The following SBNO2 variants were observed in gnomAD, a reference collection of about 807,000 sequenced individuals.
The protein encoded by SBNO2 is strawberry notch homolog 2.
SBNO2 carries 89 observed loss-of-function variants against 146.3 expected under a neutral mutation model. The ratio of observed to expected loss-of-function variants is 0.61; its 90% confidence interval spans 0.51 to 0.73. The LOEUF (loss-of-function observed/expected upper bound fraction) is 0.73. Among genes scored for constraint, SBNO2 ranks in the 30% least tolerant of loss-of-function variants. The pLI is 0.00. For missense variants in SBNO2, 2,092 were observed against 2,003.7 expected (o/e 1.04, Z -0.84); for synonymous variants, 1,147 against 892.6 (o/e 1.29, Z -5.08).
chr19:1,119,205 G>A (rs558096534), intron 13 of SBNO2, 41 bp from the exon 14 acceptor site: 9 of 1,563,034 alleles, frequency 5.8e-6, no homozygotes, highest in Middle Eastern at 1.7e-4. Flanking sequence ...GCCAGAGCCC[G>A]TGGGGATGGA....
intron 1 of SBNO2, among the ~76,000 whole-genome samples, chr19:1,160,726 C>A (rs1033743690): frequency 2.0e-5 from 3 of 152,168 alleles, no homozygotes; most frequent in African/African-American, 7.2e-5. Context: ...GAAGGGGTTT[C>A]ACCATGTTGC....
rs762092380 is a variant in SBNO2, at chr19:1,109,254, G to A, written c.3348+38C>T. ...CATGAGCCTGGGCGGGGTCAGGGCC[G>A]GCAACCCGAGCGAAAGCTGCGCCCG... On this transcript the variant is annotated intron_variant, in intron 29 of 31. Transcript: ENST00000361757. The surrounding 1 kb of genome is among the most constrained non-coding windows in gnomAD (Gnocchi z 4.2). The A allele has an allele frequency of 1.3e-5, 21 of 1,576,810 alleles. No individual in the cohort carries two copies. The highest frequency in any genetic ancestry group is 8.1e-5 in the African/African-American group (6 of 74,208).
chr19:1,171,683 G>C (rs115602315), intron 1 of SBNO2, among the ~76,000 whole-genome samples: 141 of 152,276 alleles, frequency 9.3e-4, no homozygotes, highest in African/African-American at 3.2e-3. Flanking sequence ...CCGTGACTCC[G>C]CTGGAGCCGG....
chr19:1,111,849 CT>C (rs1448052913), intron 23 of SBNO2, 146 bp downstream of exon 23: 16 of 865,328 alleles, frequency 1.8e-5, no homozygotes, highest in Non-Finnish European at 2.5e-5. Flanking sequence ...CCCTTCCCCC[CT>C]GGGGGTCCTA....
At position 1,112,113 on chromosome 19, in the gene SBNO2, C is replaced by T. The variant is rs1474588118; in HGVS notation, c.2629-46G>A. 7 of 1,608,356 alleles carry T rather than the reference C, an allele frequency of 4.4e-6. No individual in the cohort carries two copies. Among genetic ancestry groups the T allele is most frequent in the Admixed American group, 1.7e-5 (1 of 59,658 alleles). ...ATCAGTTGGTCACCTGGGGTCTGGC[C>T]TCTAGCACCCCACAAAGCTTTGGAG... On this transcript the variant is annotated intron_variant, in intron 22 of 31. Coordinates refer to ENST00000361757, the MANE Select transcript of SBNO2 (RefSeq NM_014963.3). This position sits in a 1 kb window ranked among gnomAD's most constrained non-coding sequence, Gnocchi z 5.9.
chr19:1,110,604 A>C lies in SBNO2; in HGVS notation c.3028+141T>G. On this transcript the variant is annotated intron_variant, in intron 26 of 31. Transcript: ENST00000361757. The surrounding 1 kb of genome is among the most constrained non-coding windows in gnomAD (Gnocchi z 4.9). ...CCCACGAGCCCCTCGCCCACCCGGG[A>C]TGCACGGTGTTCCCACGAGCCCCTC... 1 of 980,528 alleles carries C rather than the reference A, an allele frequency of 1.0e-6. No homozygotes were observed. The highest frequency in any genetic ancestry group is 1.4e-6 in the Non-Finnish European group (1 of 716,734). The allele number at this position is 980,528 out of a possible 1,614,324, so 60.7% of individuals were successfully genotyped here. A position where few individuals can be genotyped will look rare whatever the true frequency, so the allele number is the denominator to read the frequency against.
At position 1,111,418 on chromosome 19, in the gene SBNO2, C is replaced by T. The variant is rs573759194; in HGVS notation, c.2809+88G>A. The T allele has an allele frequency of 5.3e-6, 5 of 942,586 alleles. No homozygotes were observed. In the Admixed American group the frequency reaches 8.4e-5, roughly 16 times the overall value. 58.4% of individuals were successfully genotyped at this position (942,586 alleles called of 1,614,324 possible). ...AGGGGTCACTCAACACACAACCGGC[C>T]TACAAAGCCTGCTGCCCCAGCTGCT... On this transcript the variant is annotated intron_variant, in intron 24 of 31. Coordinates refer to ENST00000361757, the MANE Select transcript of SBNO2 (RefSeq NM_014963.3).
intron 1 of SBNO2, among the ~76,000 whole-genome samples, chr19:1,163,209 G>A (rs981117424): frequency 6.6e-6 from 1 of 152,212 alleles, no homozygotes; most frequent in African/African-American, 2.4e-5. Flanking sequence ...GGATGCTGGA[G>A]GGGGTGGTCT....
intron 3 of SBNO2, among the ~76,000 whole-genome samples, chr19:1,148,138 C>G (rs535515280): frequency 2.4e-4 from 37 of 152,198 alleles, no homozygotes; most frequent in African/African-American, 7.9e-4. Context: ...TTCTCTCCAG[C>G]AGGGCTGGCA....
intron 4 of SBNO2, among the ~76,000 whole-genome samples, chr19:1,139,368 G>A (rs550020938): frequency 3.9e-5 from 6 of 152,166 alleles, no homozygotes; most frequent in Non-Finnish European, 8.8e-5. Context: ...CGGGGACAGG[G>A]CCTCCTCTAG....
chr19:1,126,923 G>C lies in SBNO2; in HGVS notation c.441+681C>G, dbSNP rs559695005. On this transcript the variant is annotated intron_variant, in intron 5 of 31. Transcript: ENST00000361757. This position sits in a 1 kb window ranked among gnomAD's most constrained non-coding sequence, Gnocchi z 4.4. ...GCTAGAGGCTAGGCCCGAAGAACCT[G>C]GGGGCCCTGCTGCCCTACAACCCCT... Among the ~76,000 whole-genome samples, 5 of 152,296 alleles carry C rather than the reference G, an allele frequency of 3.3e-5. No individual in the cohort carries two copies. Among genetic ancestry groups the C allele is most frequent in the African/African-American group, 7.2e-5 (3 of 41,564 alleles).
chr19:1,144,819 G>A lies in SBNO2; in HGVS notation c.279+2490C>T, dbSNP rs2080172518. The stretch of plus-strand genomic sequence containing the variant: ...AGAGGGAGACAGAGAGACAGAGACA[G>A]AGAGGGAGACAGAGAGACAGGGGCA... On this transcript the variant is annotated intron_variant, in intron 4 of 31. Coordinates refer to ENST00000361757, the MANE Select transcript of SBNO2 (RefSeq NM_014963.3). This position sits in a 1 kb window ranked among gnomAD's most constrained non-coding sequence, Gnocchi z 4.1. Among the ~76,000 whole-genome samples the A allele has an allele frequency of 2.6e-5, 4 of 151,156 alleles. No individual in the cohort carries two copies. The highest frequency in any genetic ancestry group is 7.3e-5 in the African/African-American group (3 of 40,988).
At position 1,165,927 on chromosome 19, in the gene SBNO2, T is replaced by TCAGACCCCAGATCC. The variant is rs1349166506; in HGVS notation, c.-127+8244_-127+8245insGGATCTGGGGTCTG. Reference sequence around the variant, plus strand: ...ACCCCCAGACCCCAGATCCCAGATCTCAGACCCCAAACCCCAGATCCTAGA... The same window carrying TCAGACCCCAGATCC: ...ACCCCCAGACCCCAGATCCCAGATCTCAGACCCCAGATCCCAGACCCCAAACCCCAGATCCTAGA... On this transcript the variant is annotated intron_variant, in intron 1 of 31. Coordinates refer to ENST00000361757, the MANE Select transcript of SBNO2 (RefSeq NM_014963.3). Among the ~76,000 whole-genome samples the TCAGACCCCAGATCC allele has an allele frequency of 7.0e-4, 5 of 7,152 alleles. 1 individual carries two copies. The highest frequency in any genetic ancestry group is 1.2e-3 in the African/African-American group (3 of 2,452). The allele number at this position is 7,152 out of a possible 152,430, so 4.7% of individuals were successfully genotyped here. A position where few individuals can be genotyped will look rare whatever the true frequency, so the allele number is the denominator to read the frequency against.
chr19:1,128,910 A>G (rs1476668940), intron 4 of SBNO2, among the ~76,000 whole-genome samples: 1 of 151,078 alleles, frequency 6.6e-6, no homozygotes, highest in African/African-American at 2.4e-5. Flanking sequence ...TCAAGGCTGC[A>G]GTGAGCTGTT....
At chr19:1,117,193 G>T (rs2079842888) in intron 15 of SBNO2, 130 bp downstream of exon 15, 1 of 951,514 alleles carries the variant, frequency 1.1e-6, no homozygotes, top group East Asian at 2.7e-5. Context: ...GGACATCCGG[G>T]CGTCTCTCAC....
intron 1 of SBNO2, among the ~76,000 whole-genome samples, chr19:1,160,924 G>A (rs1316745998): frequency 6.6e-6 from 1 of 151,370 alleles, no homozygotes; most frequent in East Asian, 2.0e-4. Flanking sequence ...GACCACAAGG[G>A]GGCATTTGCT....
chr19:1,116,112 G>T lies in SBNO2; in HGVS notation c.1803-9C>A. 1 of 1,602,870 alleles carries T rather than the reference G, an allele frequency of 6.2e-7. No homozygotes were observed. The highest frequency in any genetic ancestry group is 1.1e-5 in the South Asian group (1 of 90,192). On this transcript the variant is annotated splice_polypyrimidine_tract_variant and intron_variant, in intron 16 of 31. Coordinates refer to ENST00000361757, the MANE Select transcript of SBNO2 (RefSeq NM_014963.3). ...GCGACAGGAACACGCCTCTGAAAGT[G>T]AGACGCGGAGTTTATTCTCACACGA...
intron 11 of SBNO2, among the ~76,000 whole-genome samples, chr19:1,120,809 C>G (rs2079892359): frequency 6.6e-6 from 1 of 152,172 alleles, no homozygotes; most frequent in African/African-American, 2.4e-5. Context: ...GCTGGGATTA[C>G]AAGTGTGCGC....
In SBNO2 at chr19:1,108,876, G is replaced by C; in HGVS notation, c.3519C>G (p.Arg1173=). ...TGACGGCGGCGATGCGGCCCCACAC[G>C]CGCAGCAGCGCGCCGCACAGCATGT... ...HHYMLCGALL[R]VWGRIAAVMA... is the part of the protein sequence containing the mutation. The change falls in exon 31 of 32, where the codon CGC becomes CGG. Residue 1173 remains arginine (R), a synonymous_variant. Coordinates refer to ENST00000361757, the MANE Select transcript of SBNO2 (RefSeq NM_014963.3). 6.3e-7 allele frequency: 1 copy of C among 1,590,632 alleles called. No individual in the cohort carries two copies. Among genetic ancestry groups the C allele is most frequent in the Non-Finnish European group, 8.5e-7 (1 of 1,175,406 alleles).
Sources: allele counts gnomAD v4.1 joint callset (sites outside exome capture counted in the v4.1 genomes callset), GRCh38; gene constraint gnomAD v4.1.1; non-coding constraint Gnocchi (gnomAD v3.1); transcripts MANE v1.5; gene names NCBI Gene and HGNC (gene_info 2026-07-23, HGNC 2026-07-21).